Variants in TRAPPC13 observed in about 807,000 individuals in gnomAD.
TRAPPC13 encodes REV7-interacting novel NHEJ regulator 1.
In TRAPPC13, 39 loss-of-function variants were observed where a neutral mutation model predicts 54.0. The observed-to-expected ratio is 0.72, with a 90% CI of 0.56 to 0.94. TRAPPC13 has a LOEUF of 0.94. Ranked by LOEUF, TRAPPC13 falls within the 40% of genes least tolerant of loss-of-function variation. The pLI, the probability that TRAPPC13 is intolerant of heterozygous loss-of-function variation, is 0.00. For synonymous variants in TRAPPC13, 148 were observed against 167.7 expected (o/e 0.88, Z 0.91); for missense variants, 386 against 488.1 (o/e 0.79, Z 1.97).
chr5:65,654,028 G>A (rs1756565921), intron 7 of TRAPPC13, among the ~76,000 whole-genome samples: 1 of 151,908 alleles, frequency 6.6e-6, no homozygotes, highest in Admixed American at 6.6e-5. Flanking sequence ...GCAATAGGTG[G>A]GTTATTTTCT....
chr5:65,664,771 ATTT>A lies in TRAPPC13; in HGVS notation c.*162_*164del. 1 of 617,994 alleles carries A rather than the reference ATTT, an allele frequency of 1.6e-6. No individual in the cohort carries two copies. The highest frequency in any genetic ancestry group is 1.9e-5 in the South Asian group (1 of 51,362). The allele number at this position is 617,994 out of a possible 1,614,324, so 38.3% of individuals were successfully genotyped here. A position where few individuals can be genotyped will look rare whatever the true frequency, so the allele number is the denominator to read the frequency against. ...TAAATATTTGTTTTGAAGAGATCTG[ATTT>A]TATCTTGTAATTTATATTTGAAATG... is the stretch of plus-strand genomic sequence containing the variant. On this transcript the variant is annotated 3_prime_UTR_variant, in exon 13 of 13. Coordinates refer to ENST00000399438, the MANE Select transcript of TRAPPC13 (RefSeq NM_024941.4).
At chr5:65,636,144 CTT>C (rs5868412) in intron 3 of TRAPPC13, 101 bp downstream of exon 3, 2,133 of 503,374 alleles carry the variant, frequency 4.2e-3, no homozygotes, top group East Asian at 8.2e-3. Context: ...ATACATTTAC[CTT>C]TTTTTTTTTT....
chr5:65,647,507 T>A (rs1460574330), intron 5 of TRAPPC13, among the ~76,000 whole-genome samples: 1 of 152,156 alleles, frequency 6.6e-6, no homozygotes, highest in African/African-American at 2.4e-5. Flanking sequence ...GTAACTGATG[T>A]TCATAGTGTT....
Position 65,635,366 on chromosome 5 carries a change from C to G in TRAPPC13, c.112C>G (p.Pro38Ala), listed in dbSNP as rs749484680. The G allele has an allele frequency of 1.2e-6, 2 of 1,612,376 alleles. No homozygotes were observed. Among genetic ancestry groups the G allele is most frequent in the African/African-American group, 1.3e-5 (1 of 74,886 alleles). The change falls in exon 2 of 13, where the codon CCT becomes GCT. Residue 38 changes from proline to alanine, a missense_variant. Pro to Ala is a conservative substitution (Grantham distance 27). Transcript: ENST00000399438. The stretch of plus-strand genomic sequence containing the variant: ...AGTAACATGTGAAGAGAAAGACTTA[C>G]CTGGTATGGCACATGCTTTCCTCTA... ...IPVTCEEKDL[P>A]GDLFNQLMRD... is the part of the protein sequence containing the mutation.
At chr5:65,629,493 G>A in intron 1 of TRAPPC13, 1 of 1,433,656 alleles carries the variant, frequency 7.0e-7, no homozygotes, top group African/African-American at 1.4e-5. Context: ...GATTTGGCAA[G>A]AGAGACAATC....
intron 4 of TRAPPC13, among the ~76,000 whole-genome samples, chr5:65,641,092 C>T (rs758718162): frequency 1.1e-4 from 17 of 151,868 alleles, no homozygotes; most frequent in Admixed American, 7.9e-4. Context: ...TGACACTATC[C>T]CTGTCTAATT....
intron 3 of TRAPPC13, 114 bp downstream of exon 3, chr5:65,636,157 T>G (rs1755737857): frequency 4.1e-6 from 3 of 725,918 alleles, no homozygotes; most frequent in Non-Finnish European, 6.7e-6. Context: ...TTTTTTTTTT[T>G]TTCTGAGATG....
chr5:65,629,422 A>G, intron 1 of TRAPPC13: 1 of 1,289,554 alleles, frequency 7.8e-7, no homozygotes, highest in South Asian at 2.8e-5. Context: ...GTTGGTAGGC[A>G]GGGTATCCCT....
chr5:65,630,757 C>G, intron 1 of TRAPPC13: 1 of 786,032 alleles, frequency 1.3e-6, no homozygotes, highest in Middle Eastern at 6.4e-4. Context: ...GGAGACTAGT[C>G]TAGATTTATA....
intron 1 of TRAPPC13, chr5:65,630,571 C>A (rs901177546): frequency 2.9e-5 from 34 of 1,178,718 alleles, no homozygotes; most frequent in Non-Finnish European, 3.5e-5. Context: ...CCTTTTGTTA[C>A]AAACTGTGAT....
In TRAPPC13 at chr5:65,633,979, T is replaced by G. The variant is rs1193203352; in HGVS notation, c.47-1322T>G. ...TTTTTTAAAATATCTCTCCCAGCGT[T>G]TTTTTTTTTTTTTTTTTTTTTTTTG... On this transcript the variant is annotated intron_variant, in intron 1 of 12. Transcript: ENST00000399438. Among the ~76,000 whole-genome samples the G allele has an allele frequency of 1.7e-3, 43 of 25,154 alleles. 1 individual carries two copies. Among genetic ancestry groups the G allele is most frequent in the Middle Eastern group, 0.014 (1 of 70 alleles). 16.5% of individuals were successfully genotyped at this position (25,154 alleles called of 152,430 possible). A position where few individuals can be genotyped will look rare whatever the true frequency, so the allele number is the denominator to read the frequency against.
rs1236435450 is a variant in TRAPPC13 at position 65,665,302 on chromosome 5, T to C, written c.*691T>C. The C allele has an allele frequency of 5.9e-5, 9 of 152,172 alleles. No homozygotes were observed. The allele number at this position is 152,172 out of a possible 1,614,324, so 9.4% of individuals were successfully genotyped here. ...CTTTGTAATATTTTGGTTAGAAATA[T>C]TTCAGTTAACTCCAGTTTTTTCCTA... On this transcript the variant is annotated 3_prime_UTR_variant, in exon 13 of 13. Coordinates refer to ENST00000399438, the MANE Select transcript of TRAPPC13 (RefSeq NM_024941.4).
At chr5:65,629,669 C>T (rs1332092575) in intron 1 of TRAPPC13, 1 of 1,535,996 alleles carries the variant, frequency 6.5e-7, no homozygotes. Flanking sequence ...AAAAGCAATT[C>T]AAGACTTTCC....
rs1756861606 is a variant in TRAPPC13 at position 65,661,852 on chromosome 5, G to A, written c.898-198G>A. The stretch of plus-strand genomic sequence containing the variant: ...TAATTATATAACAAAAACAGTCCAG[G>A]TCTGCCAGGCTATTCCACAGGCAGT... On this transcript the variant is annotated intron_variant, in intron 10 of 12. Transcript: ENST00000399438. 8.4e-6 allele frequency: 4 copies of A among 475,364 alleles called. No individual in the cohort carries two copies. The South Asian group carries it at 1.4e-4, about 17-fold the overall frequency. The allele number at this position is 475,364 out of a possible 1,614,324, so 29.4% of individuals were successfully genotyped here. A position where few individuals can be genotyped will look rare whatever the true frequency, so the allele number is the denominator to read the frequency against.
chr5:65,657,210 T>C (rs147917434), intron 8 of TRAPPC13, among the ~76,000 whole-genome samples: 4,980 of 151,540 alleles, frequency 0.033, 262 homozygotes, highest in African/African-American at 0.12. Flanking sequence ...GGTGAAACCC[T>C]GTCTCTACTA....
chr5:65,642,690 A>C (rs1379011865), intron 4 of TRAPPC13, among the ~76,000 whole-genome samples: 1 of 152,094 alleles, frequency 6.6e-6, no homozygotes, highest in Non-Finnish European at 1.5e-5. Context: ...TGATTTTAAG[A>C]GGTGAGGTTT....
At chr5:65,625,297 G>A in intron 1 of TRAPPC13, 191 bp downstream of exon 1, 2 of 593,046 alleles carry the variant, frequency 3.4e-6, no homozygotes, top group East Asian at 2.8e-5. Flanking sequence ...TTTCTAGAAC[G>A]AAATAGATAC....
Position 65,664,822 on chromosome 5 carries a change from CTAT to C in TRAPPC13, c.*216_*218del. ...ATGAACATGTGTATATTTTCTACACCTATTATTTAATTTCATTTCATTTTAGAT... is the reference window on the plus strand; with the variant it reads ...ATGAACATGTGTATATTTTCTACACCTATTTAATTTCATTTCATTTTAGAT... On this transcript the variant is annotated 3_prime_UTR_variant, in exon 13 of 13. Transcript: ENST00000399438. 1 of 543,028 alleles carries C rather than the reference CTAT, an allele frequency of 1.8e-6. No individual in the cohort carries two copies. The highest frequency in any genetic ancestry group is 3.2e-6 in the Non-Finnish European group (1 of 311,128). The allele number at this position is 543,028 out of a possible 1,614,324, so 33.6% of individuals were successfully genotyped here.
At chr5:65,652,319 T>C (rs1657477489) in intron 6 of TRAPPC13, among the ~76,000 whole-genome samples, 182 bp from the exon 7 acceptor site, 1 of 145,936 alleles carries the variant, frequency 6.9e-6, no homozygotes, top group Non-Finnish European at 1.5e-5. Flanking sequence ...AAAAATACAT[T>C]AGGGATTCTT....
Sources: gnomAD v4.1 joint callset for allele counts (sites outside exome capture counted in the v4.1 genomes callset) on GRCh38, gnomAD v4.1.1 for gene constraint, MANE v1.5 for transcripts, NCBI Gene and HGNC (gene_info 2026-07-23, HGNC 2026-07-21) for gene names.